The following ERAP1 variants were observed in gnomAD, a reference collection of about 807,000 sequenced individuals.
ERAP1 encodes the protein adipocyte-derived leucine aminopeptidase.
In ERAP1, 86 loss-of-function variants were observed where a neutral mutation model predicts 103.7. That is an observed-to-expected ratio of 0.83 (90% confidence interval 0.70 to 0.99). The LOEUF (loss-of-function observed/expected upper bound fraction) is 0.99. ERAP1 is among the 50% of genes least tolerant of loss of function. The pLI, the probability that ERAP1 is intolerant of heterozygous loss-of-function variation, is 0.00. For missense variants in ERAP1, 1,009 were observed against 1,128.4 expected (o/e 0.89, Z 1.52); for synonymous variants, 398 against 402.4 (o/e 0.99, Z 0.13).
chr5:96,770,653 T>A, downstream of ERAP1: 1 of 1,219,444 alleles, frequency 8.2e-7, no homozygotes, highest in Non-Finnish European at 1.2e-6. Context: ...TTACACAGAG[T>A]AGGGTTTATC....
chr5:96,774,211 G>GTGTT (rs1276225917), downstream of ERAP1: 1 of 153,988 alleles, frequency 6.5e-6, no homozygotes, highest in Non-Finnish European at 1.5e-5. Context: ...ACTGACAGAT[G>GTGTT]TGTTTGCAAG....
At chr5:96,772,492 A>AG (rs1772808075), downstream of ERAP1, 1 of 152,518 alleles carries the variant, frequency 6.6e-6, no homozygotes, top group Non-Finnish European at 1.5e-5. Flanking sequence ...ATTAAAAAAA[A>AG]TTCTATTAAT....
chr5:96,888,403 C>CTGA, the ERAP1 span, among the ~76,000 whole-genome samples: 1 of 152,162 alleles, frequency 6.6e-6, no homozygotes, highest in African/African-American at 2.4e-5. Flanking sequence ...TGATCTGGAG[C>CTGA]AAGTTACTAA....
chr5:96,841,255 C>T, the ERAP1 span, among the ~76,000 whole-genome samples: 6 of 152,142 alleles, frequency 3.9e-5, no homozygotes, highest in African/African-American at 4.8e-5. Flanking sequence ...TTCCCTTCCC[C>T]GAGGACACCA....
the ERAP1 span, among the ~76,000 whole-genome samples, chr5:96,842,064 C>G: frequency 0.27 from 40,434 of 152,064 alleles, 6,689 homozygotes; most frequent in Non-Finnish European, 0.38. Context: ...TGAGTTACTT[C>G]ACTTAGAATA....
At chr5:96,850,917 C>A in the ERAP1 span, among the ~76,000 whole-genome samples, 1 of 152,140 alleles carries the variant, frequency 6.6e-6, no homozygotes, top group African/African-American at 2.4e-5. Flanking sequence ...AAAGAAACCT[C>A]CCTTACACGT....
chr5:96,881,617 A>T, the ERAP1 span: 2 of 409,714 alleles, frequency 4.9e-6, no homozygotes, highest in Admixed American at 5.3e-5. Context: ...GAAGTAGGGC[A>T]GCTCAGATTG....
chr5:96,927,266 C>T, the ERAP1 span, among the ~76,000 whole-genome samples: 4 of 152,202 alleles, frequency 2.6e-5, no homozygotes, highest in Non-Finnish European at 5.9e-5. Context: ...TTTACATTCC[C>T]ATCAGCAGTG....
chr5:96,829,470 C>T, the ERAP1 span, among the ~76,000 whole-genome samples: 1 of 152,216 alleles, frequency 6.6e-6, no homozygotes, highest in Non-Finnish European at 1.5e-5. Context: ...TACATTAAGA[C>T]TTCCGGATTG....
downstream of ERAP1, chr5:96,774,019 T>C (rs1466089105): frequency 2.0e-5 from 3 of 152,350 alleles, no homozygotes; most frequent in East Asian, 3.7e-4. Flanking sequence ...CACCACCAGC[T>C]TAAAATGCTA....
chr5:96,903,256 C>A, the ERAP1 span: 4 of 737,744 alleles, frequency 5.4e-6, no homozygotes, highest in Non-Finnish European at 8.6e-6. Context: ...ATCATTATGA[C>A]TCTCCCCAAA....
At chr5:96,898,671 C>T in the ERAP1 span, among the ~76,000 whole-genome samples, 81,661 of 151,066 alleles carry the variant, frequency 0.54, 22,126 homozygotes, top group Admixed American at 0.59. Flanking sequence ...ATCCAGGAGG[C>T]GGAGTTGCAA....
At position 96,785,921 on chromosome 5, in the gene ERAP1, T is replaced by C. The variant is rs772438748; in HGVS notation, c.1810A>G (p.Met604Val). ...TAATGCACAATGTAATAGCCATTCA[T>C]GCCCACATTAAATTTGATCCATTCC... The part of the protein sequence containing the change: ...EVEWIKFNVG[M>V]NGYYIVHYED... Residue 604 changes from methionine to valine, a missense_variant, in exon 13 of 19, where the codon ATG (methionine) becomes GTG (valine). Around this residue, in one of 3 missense-constraint regions of ERAP1, gnomAD observed 611 missense variants for 651.7 expected, o/e 0.94. Transcript: ENST00000443439. The C allele has an allele frequency of 5.0e-6, 8 of 1,614,088 alleles. No individual in the cohort carries two copies. Among genetic ancestry groups the C allele is most frequent in the South Asian group, 2.2e-5 (2 of 91,090 alleles).
chr5:96,903,630 T>C, the ERAP1 span: 16 of 1,384,026 alleles, frequency 1.2e-5, no homozygotes, highest in Non-Finnish European at 1.4e-5. Flanking sequence ...GACTTCAATA[T>C]TGAATGTTCA....
the ERAP1 span, among the ~76,000 whole-genome samples, chr5:96,863,005 C>T: frequency 1.3e-5 from 2 of 152,198 alleles, no homozygotes; most frequent in Non-Finnish European, 2.9e-5. Flanking sequence ...GGCACACTTG[C>T]CATGTTAACT....
chr5:96,812,416 G>A (rs565122306), upstream of ERAP1, among the ~76,000 whole-genome samples: 8 of 152,304 alleles, frequency 5.3e-5, no homozygotes, highest in East Asian at 1.5e-3. Flanking sequence ...CCTTTGTTTA[G>A]GAGGCTTTAT....
chr5:96,784,294 A>C (rs1488333141), intron 13 of ERAP1, among the ~76,000 whole-genome samples: 1 of 152,198 alleles, frequency 6.6e-6, no homozygotes, highest in African/African-American at 2.4e-5. Context: ...CGGGAGTTCA[A>C]GACCAGCCTG....
chr5:96,762,382 A>T (rs1768306277), exon 20 of ERAP1: 1 of 1,563,606 alleles, frequency 6.4e-7, no homozygotes, highest in Non-Finnish European at 8.6e-7. Flanking sequence ...GGTAAGCAGC[A>T]CATCTTATTT....
At chr5:96,885,728 G>C in the ERAP1 span, among the ~76,000 whole-genome samples, 2 of 144,882 alleles carry the variant, frequency 1.4e-5, no homozygotes, top group African/African-American at 4.9e-5. Context: ...TCTAGGAGTT[G>C]TGACTAGCTT....
Sources: gnomAD v4.1 joint callset for allele counts (sites outside exome capture counted in the v4.1 genomes callset) on GRCh38, gnomAD v4.1.1 for gene constraint, gnomAD v4.1.1 regional missense constraint, MANE v1.5 for transcripts, NCBI Gene and HGNC (gene_info 2026-07-23, HGNC 2026-07-21) for gene names.